The following RPS6KB1 variants were observed in gnomAD, a reference collection of about 807,000 sequenced individuals.
RPS6KB1 encodes the protein ribosomal protein S6 kinase beta-1.
RPS6KB1 carries 12 observed loss-of-function variants against 70.2 expected under a neutral mutation model. That is an observed-to-expected ratio of 0.17 (90% CI 0.11 to 0.28). RPS6KB1 has a LOEUF of 0.28. Among genes scored for constraint, RPS6KB1 ranks in the 10% least tolerant of loss-of-function variants. The pLI, the probability that RPS6KB1 is intolerant of heterozygous loss-of-function variation, is 1.00. For synonymous variants in RPS6KB1, 175 were observed against 211.2 expected (o/e 0.83, Z 1.49); for missense variants, 270 against 646.6 (o/e 0.42, Z 6.32).
rs1257903290 is a variant in RPS6KB1 at position 59,948,432 on chromosome 17, A to G, written c.*1644A>G. The G allele has an allele frequency of 2.0e-5, 3 of 152,570 alleles. No homozygotes were observed. The highest frequency in any genetic ancestry group is 7.2e-5 in the African/African-American group (3 of 41,430). The allele number at this position is 152,570 out of a possible 1,614,324, so 9.5% of individuals were successfully genotyped here. On this transcript the variant is annotated 3_prime_UTR_variant, in exon 15 of 15. Coordinates refer to ENST00000225577, the MANE Select transcript of RPS6KB1 (RefSeq NM_003161.4). ...ATAGATGCTGCTTGCTATGTTTTCAAACCTTTTTGAGCCATAGGATCCAAG... is the reference window on the plus strand; with the variant it reads ...ATAGATGCTGCTTGCTATGTTTTCAGACCTTTTTGAGCCATAGGATCCAAG...
intron 6 of RPS6KB1, 90 bp from the exon 7 acceptor site, chr17:59,931,532 C>T (rs898275138): frequency 1.0e-6 from 1 of 987,394 alleles, no homozygotes; most frequent in African/African-American, 1.6e-5. Flanking sequence ...TGGTGCATGT[C>T]TGTTTCTTTC....
At chr17:59,903,842 T>C (rs768387939) in intron 1 of RPS6KB1, among the ~76,000 whole-genome samples, 4 of 152,182 alleles carry the variant, frequency 2.6e-5, no homozygotes, top group Non-Finnish European at 4.4e-5. Context: ...TATATTTTCT[T>C]TGGAGAAATA....
At chr17:59,916,563 A>C (rs1029294900) in intron 4 of RPS6KB1, among the ~76,000 whole-genome samples, 4 of 152,222 alleles carry the variant, frequency 2.6e-5, no homozygotes, top group Non-Finnish European at 5.9e-5. Context: ...TTCTTTGATC[A>C]GGCTTATAAG....
intron 4 of RPS6KB1, among the ~76,000 whole-genome samples, chr17:59,916,356 T>A (rs1381597059): frequency 3.3e-5 from 5 of 152,244 alleles, no homozygotes; most frequent in Admixed American, 3.3e-4. Flanking sequence ...CGCCTTGACC[T>A]CCCAAAGTGT....
intron 1 of RPS6KB1, among the ~76,000 whole-genome samples, chr17:59,904,981 G>T (rs968899406): frequency 1.8e-4 from 27 of 151,992 alleles, no homozygotes; most frequent in African/African-American, 6.3e-4. Context: ...AGGCCTGAGC[G>T]ACTGCGCCTG....
intron 4 of RPS6KB1, among the ~76,000 whole-genome samples, chr17:59,925,845 G>A (rs1279080633): frequency 6.6e-6 from 1 of 151,650 alleles, no homozygotes; most frequent in East Asian, 1.9e-4. Flanking sequence ...ATGGGGTCAC[G>A]CTTGTTACCA....
Position 59,949,862 on chromosome 17 carries a change from A to G in RPS6KB1, c.*3074A>G, listed in dbSNP as rs796128802. The G allele has an allele frequency of 2.0e-5, 3 of 152,632 alleles. No homozygotes were observed. Among genetic ancestry groups the G allele is most frequent in the African/African-American group, 7.2e-5 (3 of 41,558 alleles). 9.5% of individuals were successfully genotyped at this position (152,632 alleles called of 1,614,324 possible). A position where few individuals can be genotyped will look rare whatever the true frequency, so the allele number is the denominator to read the frequency against. On this transcript the variant is annotated 3_prime_UTR_variant, in exon 15 of 15. Coordinates refer to ENST00000225577, the MANE Select transcript of RPS6KB1 (RefSeq NM_003161.4). ...ATAGTATTAATATACTGAGCCTTGG[A>G]TTATATATTTAATATAGGACCTATT...
Position 59,946,082 on chromosome 17 carries a change from G to C in RPS6KB1, c.1341-469G>C, listed in dbSNP as rs1320417760. 1.3e-5 allele frequency among the ~76,000 whole-genome samples: 2 copies of C among 152,110 alleles called. No individual in the cohort carries two copies. The highest frequency in any genetic ancestry group is 2.9e-5 in the Non-Finnish European group (2 of 68,024). On this transcript the variant is annotated intron_variant, in intron 14 of 14. Transcript: ENST00000225577. The surrounding 1 kb of genome is among the most constrained non-coding windows in gnomAD (Gnocchi z 4.2). ...GGAAAGAGCCAGCCCTACAAAAATA[G>C]GAGGTATAAGAATGTTGCAGGCAGA... is the stretch of plus-strand genomic sequence containing the variant.
At chr17:59,917,866 C>T (rs1447140348) in intron 4 of RPS6KB1, among the ~76,000 whole-genome samples, 1 of 152,146 alleles carries the variant, frequency 6.6e-6, no homozygotes. Flanking sequence ...TGTTGGATCT[C>T]CTGGACCGAT....
At chr17:59,941,415 C>G (rs969323915) in intron 13 of RPS6KB1, among the ~76,000 whole-genome samples, 1 of 151,164 alleles carries the variant, frequency 6.6e-6, no homozygotes. Flanking sequence ...GCCTTGACCT[C>G]CCAGGCTCAA....
chr17:59,896,215 CAG>C (rs1202171770), intron 1 of RPS6KB1, among the ~76,000 whole-genome samples: 2 of 151,732 alleles, frequency 1.3e-5, no homozygotes, highest in African/African-American at 2.4e-5. Context: ...TTTTCTGAGA[CAG>C]AGTCTTGCTC....
At chr17:59,917,505 A>G (rs1337943970) in intron 4 of RPS6KB1, among the ~76,000 whole-genome samples, 1 of 151,824 alleles carries the variant, frequency 6.6e-6, no homozygotes, top group African/African-American at 2.4e-5. Flanking sequence ...TGGTGTGATC[A>G]TACTTCACTG....
intron 12 of RPS6KB1, among the ~76,000 whole-genome samples, chr17:59,937,224 A>T (rs978457269): frequency 4.6e-5 from 7 of 152,182 alleles, no homozygotes; most frequent in Non-Finnish European, 1.0e-4. Flanking sequence ...TGACTGTATT[A>T]GCTATTTTTA....
chr17:59,908,943 TG>T (rs1238696945), intron 1 of RPS6KB1, among the ~76,000 whole-genome samples: 7 of 143,894 alleles, frequency 4.9e-5, no homozygotes, highest in Non-Finnish European at 9.1e-5. Flanking sequence ...TTTTTTTTTT[TG>T]AGACAGGGTT....
In RPS6KB1 at chr17:59,934,119, T is replaced by A; in HGVS notation, c.689-51T>A. ...AGTATTATGTGACATGTTCAAACAC[T>A]GCACATACTTATAATTCGGAGAATA... On this transcript the variant is annotated intron_variant, in intron 7 of 14. Coordinates refer to ENST00000225577, the MANE Select transcript of RPS6KB1 (RefSeq NM_003161.4). This position sits in a 1 kb window ranked among gnomAD's most constrained non-coding sequence, Gnocchi z 4.8. 2 of 1,153,144 alleles carry A rather than the reference T, an allele frequency of 1.7e-6. No individual in the cohort carries two copies. The highest frequency in any genetic ancestry group is 2.6e-6 in the Non-Finnish European group (2 of 760,026). 71.4% of individuals were successfully genotyped at this position (1,153,144 alleles called of 1,614,324 possible).
chr17:59,926,723 CAGATGTGACCAA>C (rs2043628770), intron 5 of RPS6KB1, 141 bp downstream of exon 5: 2 of 585,262 alleles, frequency 3.4e-6, no homozygotes, highest in Non-Finnish European at 5.8e-6. Flanking sequence ...GTACAAAATT[CAGATGTGACCAA>C]ATGTTTCTAT....
chr17:59,910,930 A>C (rs1251666133), intron 2 of RPS6KB1, among the ~76,000 whole-genome samples: 2 of 152,196 alleles, frequency 1.3e-5, no homozygotes, highest in East Asian at 3.8e-4. Context: ...AAAAAGTCAA[A>C]TGCTTTCTGT....
intron 1 of RPS6KB1, among the ~76,000 whole-genome samples, chr17:59,900,231 C>CA (rs1568377853): frequency 1.7e-4 from 24 of 143,814 alleles, no homozygotes; most frequent in African/African-American, 3.9e-4. Context: ...CACACACACA[C>CA]CCCTATGTGT....
chr17:59,929,886 A>C (rs1455848158), intron 5 of RPS6KB1, among the ~76,000 whole-genome samples: 1 of 152,194 alleles, frequency 6.6e-6, no homozygotes, highest in Non-Finnish European at 1.5e-5. Context: ...TGGAATTCCA[A>C]GCCAGTTCTA....
Sources: allele counts gnomAD v4.1 joint callset (sites outside exome capture counted in the v4.1 genomes callset), GRCh38; gene constraint gnomAD v4.1.1; non-coding constraint Gnocchi (gnomAD v3.1); transcripts MANE v1.5; gene names NCBI Gene and HGNC (gene_info 2026-07-23, HGNC 2026-07-21).